SPIRE1: variants seen among roughly 807,000 people sequenced by gnomAD.
SPIRE1 encodes spire type actin nucleation factor 1.
A neutral mutation model predicts 94.1 loss-of-function variants in SPIRE1; 40 were observed. The ratio of observed to expected loss-of-function variants is 0.43; its 90% CI spans 0.33 to 0.55. The LOEUF is 0.55. Among genes scored for constraint, SPIRE1 ranks in the 20% least tolerant of loss-of-function variants. SPIRE1 has a pLI of 0.06. For synonymous variants in SPIRE1, 376 were observed against 371.7 expected (o/e 1.01, Z -0.13); for missense variants, 838 against 975.2 (o/e 0.86, Z 1.87).
chr18:12,497,910 A>G (rs1209069386), intron 6 of SPIRE1, among the ~76,000 whole-genome samples: 6 of 152,302 alleles, frequency 3.9e-5, no homozygotes, highest in Non-Finnish European at 7.4e-5. Flanking sequence ...TCCATTCCCA[A>G]AACAAGCACA....
chr18:12,466,130 A>C (rs536084248), intron 10 of SPIRE1, among the ~76,000 whole-genome samples: 1 of 152,228 alleles, frequency 6.6e-6, no homozygotes, highest in East Asian at 1.9e-4. Context: ...CATCGTGCCA[A>C]ATAAAATTAA....
Position 12,476,564 on chromosome 18 carries a change from A to AATAT in SPIRE1, c.1404+3131_1404+3134dup, listed in dbSNP as rs1261493981. ...TCCAAAAAAAAAAAAAAAAAAAAAA[A>AATAT]ATATATATATATATATATATATATA... On this transcript the variant is annotated intron_variant, in intron 10 of 16. Transcript: ENST00000409402. Among the ~76,000 whole-genome samples the AATAT allele has an allele frequency of 1.1e-3, 79 of 69,846 alleles. 2 individuals are homozygous for AATAT. The highest frequency in any genetic ancestry group is 1.8e-3 in the African/African-American group (24 of 13,168). The allele number at this position is 69,846 out of a possible 152,430, so 45.8% of individuals were successfully genotyped here.
chr18:12,459,027 G>A (rs1488863118), intron 12 of SPIRE1, among the ~76,000 whole-genome samples: 1 of 152,218 alleles, frequency 6.6e-6, no homozygotes, highest in Non-Finnish European at 1.5e-5. Context: ...CACAAAGGCT[G>A]CTCTGAGCAC....
chr18:12,493,538 C>T lies in SPIRE1; in HGVS notation c.1060-337G>A, dbSNP rs575432669. Among the ~76,000 whole-genome samples, 3 of 152,250 alleles carry T rather than the reference C, an allele frequency of 2.0e-5. No individual in the cohort carries two copies. The South Asian group carries it at 6.2e-4, about 32-fold the overall frequency. ...TCTCGTGCCTCAGCCTCCCGAGTAG[C>T]TGGGATTACAGGCGTGTGCCAACAT... On this transcript the variant is annotated intron_variant, in intron 7 of 16. Transcript: ENST00000409402.
At chr18:12,519,648 T>C (rs1598431621) in intron 4 of SPIRE1, among the ~76,000 whole-genome samples, 1 of 152,296 alleles carries the variant, frequency 6.6e-6, no homozygotes, top group Middle Eastern at 3.4e-3. Flanking sequence ...AATGGCTCAT[T>C]AGAAAAATGA....
chr18:12,641,148 A>G (rs1273587251), intron 1 of SPIRE1, among the ~76,000 whole-genome samples: 1 of 152,202 alleles, frequency 6.6e-6, no homozygotes, highest in East Asian at 1.9e-4. Flanking sequence ...AACATGCTCC[A>G]TGTTTTCAAG....
chr18:12,601,358 G>A (rs955101073), intron 2 of SPIRE1, among the ~76,000 whole-genome samples: 4 of 151,252 alleles, frequency 2.6e-5, no homozygotes, highest in African/African-American at 9.7e-5. Flanking sequence ...AGGAGGTGGA[G>A]GTTGCAGTGA....
intron 6 of SPIRE1, among the ~76,000 whole-genome samples, chr18:12,502,243 G>A (rs1292343176): frequency 6.6e-6 from 1 of 152,020 alleles, no homozygotes; most frequent in Non-Finnish European, 1.5e-5. Context: ...TTCTTGCAGT[G>A]TAAAACTCTG....
chr18:12,525,535 G>A, intron 4 of SPIRE1, among the ~76,000 whole-genome samples: 1 of 151,662 alleles, frequency 6.6e-6, no homozygotes, highest in East Asian at 1.9e-4. Context: ...TTCTCTTGCT[G>A]CTTTTAGAAA....
chr18:12,487,818 G>A (rs1023090780), intron 8 of SPIRE1, among the ~76,000 whole-genome samples: 8 of 152,158 alleles, frequency 5.3e-5, no homozygotes, highest in African/African-American at 1.9e-4. Context: ...TATAAATGGC[G>A]TAAAGCTCAA....
chr18:12,478,853 C>A (rs2032726502), intron 10 of SPIRE1, among the ~76,000 whole-genome samples: 2 of 152,176 alleles, frequency 1.3e-5, no homozygotes, highest in African/African-American at 4.8e-5. Flanking sequence ...GATATGAGAT[C>A]TTCCCTCTCC....
chr18:12,514,389 T>C (rs1420952615), intron 4 of SPIRE1, among the ~76,000 whole-genome samples: 7 of 152,210 alleles, frequency 4.6e-5, no homozygotes, highest in Admixed American at 3.3e-4. Context: ...GTCTACAGAA[T>C]GTACTTATTT....
intron 2 of SPIRE1, among the ~76,000 whole-genome samples, chr18:12,630,065 G>A (rs2037734601): frequency 6.6e-6 from 1 of 151,988 alleles, no homozygotes. Flanking sequence ...TAAGAATATG[G>A]TAAAAGTGCT....
intron 2 of SPIRE1, among the ~76,000 whole-genome samples, chr18:12,585,056 G>C (rs946629276): frequency 1.3e-5 from 2 of 152,000 alleles, no homozygotes; most frequent in South Asian, 2.1e-4. Context: ...CGCCCACCTC[G>C]GCTTCCCAAA....
intron 2 of SPIRE1, among the ~76,000 whole-genome samples, chr18:12,573,277 C>T (rs571351626): frequency 1.6e-4 from 25 of 152,120 alleles, no homozygotes; most frequent in African/African-American, 3.6e-4. Flanking sequence ...CAAATTACAA[C>T]GAGATACTAC....
intron 2 of SPIRE1, among the ~76,000 whole-genome samples, chr18:12,618,571 A>G (rs912509470): frequency 3.3e-5 from 5 of 152,196 alleles, no homozygotes; most frequent in Admixed American, 2.6e-4. Flanking sequence ...AAAGCTATCT[A>G]TACTTTTTAA....
upstream of SPIRE1, chr18:12,658,408 G>C (rs992876837): frequency 4.9e-6 from 2 of 404,112 alleles, no homozygotes. Context: ...GGGTTGTGGG[G>C]CGTGGGGGAC....
chr18:12,454,894 T>G (rs1462027863), intron 12 of SPIRE1, among the ~76,000 whole-genome samples: 1 of 152,146 alleles, frequency 6.6e-6, no homozygotes, highest in African/African-American at 2.4e-5. Flanking sequence ...AGTGTTGTGT[T>G]GTACATTATA....
At position 12,545,154 on chromosome 18, in the gene SPIRE1, G is replaced by A. The variant is rs117039973; in HGVS notation, c.603+1520C>T. 2.2e-4 allele frequency among the ~76,000 whole-genome samples: 34 copies of A among 152,244 alleles called. No individual in the cohort carries two copies. In the East Asian group the frequency reaches 6.0e-3, roughly 27 times the overall value. ...CAGAAAGTTTAATTGGCCTTTAAGT[G>A]TGTTTACATGTTTTTAAAAAATAAA... On this transcript the variant is annotated intron_variant, in intron 3 of 16. Coordinates refer to ENST00000409402, the MANE Select transcript of SPIRE1 (RefSeq NM_001128626.2).
Sources: allele counts gnomAD v4.1 joint callset (sites outside exome capture counted in the v4.1 genomes callset), GRCh38; gene constraint gnomAD v4.1.1; transcripts MANE v1.5; gene names NCBI Gene and HGNC (gene_info 2026-07-23, HGNC 2026-07-21).